NTRK2: variants seen among roughly 807,000 people sequenced by gnomAD.
NTRK2 encodes the protein BDNF/NT-3 growth factors receptor.
Under a neutral mutation model 94.5 loss-of-function variants are expected in NTRK2, and 13 were observed. The ratio of observed to expected loss-of-function variants is 0.14; its 90% CI spans 0.09 to 0.22. NTRK2 has a LOEUF of 0.22. NTRK2 is among the 10% of genes least tolerant of loss of function. The probability of loss-of-function intolerance (pLI) is 1.00; values close to 1 mark genes in which losing one functional copy is unlikely to be tolerated. For missense variants in NTRK2, 639 were observed against 1,071.2 expected, an observed-to-expected ratio of 0.60 and a Z score of 5.63; for synonymous variants, 372 against 407.4, an observed-to-expected ratio of 0.91 and a Z score of 1.05.
chr9:84,877,256 T>C (rs200115485), intron 14 of NTRK2: 181 of 1,065,830 alleles, frequency 1.7e-4, no homozygotes, highest in Non-Finnish European at 2.0e-4. Flanking sequence ...CCTCTTTAGT[T>C]CTCTTTGAGG....
chr9:84,736,473 C>T (rs552939763), intron 9 of NTRK2, among the ~76,000 whole-genome samples: 11 of 152,220 alleles, frequency 7.2e-5, no homozygotes, highest in African/African-American at 2.6e-4. Context: ...GTCTAAAGAA[C>T]GAGGGGAGAG....
chr9:84,857,548 A>G (rs1383170802), intron 12 of NTRK2, among the ~76,000 whole-genome samples: 1 of 152,186 alleles, frequency 6.6e-6, no homozygotes, highest in Non-Finnish European at 1.5e-5. Context: ...TGAATGAATA[A>G]CAGCTTCTAG....
intron 12 of NTRK2, among the ~76,000 whole-genome samples, chr9:84,839,229 A>G (rs1337263503): frequency 6.6e-6 from 1 of 152,198 alleles, no homozygotes; most frequent in African/African-American, 2.4e-5. Flanking sequence ...AGAAGAGTCA[A>G]ATACACTTTA....
rs562875058 is a variant in NTRK2 at position 84,925,201 on chromosome 9, C to CTTT, written c.1634-8949_1634-8947dup. On this transcript the variant is annotated intron_variant, in intron 14 of 18. Coordinates refer to ENST00000277120, the MANE Select transcript of NTRK2 (RefSeq NM_006180.6). ...CTCTGCCTTCTTCTCTTCTCTTCTT[C>CTTT]TTTTTTTTTTTTTTGGAGCTATTTT... Among the ~76,000 whole-genome samples the CTTT allele has an allele frequency of 4.7e-3, 657 of 141,276 alleles. 10 individuals are homozygous for CTTT. Among genetic ancestry groups the CTTT allele is most frequent in the East Asian group, 0.019 (93 of 4,784 alleles). 92.7% of individuals were successfully genotyped at this position (141,276 alleles called of 152,430 possible).
intron 14 of NTRK2, among the ~76,000 whole-genome samples, chr9:84,870,433 C>T (rs7853018): frequency 6.8e-6 from 1 of 146,682 alleles, no homozygotes; most frequent in Non-Finnish European, 1.5e-5. Context: ...ACCTCCTGGG[C>T]TCAAGTAATC....
intron 9 of NTRK2, among the ~76,000 whole-genome samples, chr9:84,740,795 G>A (rs1261811934): frequency 6.6e-6 from 1 of 152,118 alleles, no homozygotes; most frequent in Non-Finnish European, 1.5e-5. Context: ...TTGAACACTG[G>A]GGCCACTTTT....
chr9:84,773,295 G>A (rs1475491248), intron 12 of NTRK2, among the ~76,000 whole-genome samples: 1 of 152,184 alleles, frequency 6.6e-6, no homozygotes, highest in African/African-American at 2.4e-5. Context: ...AGACCCTGAG[G>A]ATGGTTAGAG....
intron 7 of NTRK2, 99 bp downstream of exon 7, chr9:84,723,808 G>A: frequency 6.7e-7 from 1 of 1,497,458 alleles, no homozygotes; most frequent in Non-Finnish European, 9.3e-7. Flanking sequence ...TATTTTATAA[G>A]GCTACATATA....
intron 2 of NTRK2, among the ~76,000 whole-genome samples, chr9:84,674,581 G>C (rs555945090): frequency 6.6e-6 from 1 of 152,290 alleles, no homozygotes; most frequent in East Asian, 1.9e-4. Flanking sequence ...ACTTTGGACT[G>C]TGTCTTATAT....
At chr9:84,830,034 T>C (rs1222521089) in intron 12 of NTRK2, among the ~76,000 whole-genome samples, 1 of 152,182 alleles carries the variant, frequency 6.6e-6, no homozygotes, top group Non-Finnish European at 1.5e-5. Context: ...GAACACCCCC[T>C]TCTCTCCAAA....
chr9:84,749,095 G>T (rs1464743790), intron 11 of NTRK2, among the ~76,000 whole-genome samples: 1 of 152,154 alleles, frequency 6.6e-6, no homozygotes, highest in Non-Finnish European at 1.5e-5. Context: ...AGGTGTGGTG[G>T]CACATGCCTA....
chr9:84,890,278 A>T (rs538144833), intron 14 of NTRK2, among the ~76,000 whole-genome samples: 55 of 152,348 alleles, frequency 3.6e-4, no homozygotes, highest in Non-Finnish European at 5.4e-4. Flanking sequence ...GGGTGACAGC[A>T]GGTCCATGGG....
intron 14 of NTRK2, among the ~76,000 whole-genome samples, chr9:84,926,165 C>CTTTCTTT (rs2077786173): frequency 3.7e-3 from 178 of 48,254 alleles, no homozygotes; most frequent in South Asian, 5.4e-3. Flanking sequence ...TTCCTTCCTT[C>CTTTCTTT]CTTCCTTTCT....
chr9:84,690,891 C>T (rs1381632204), intron 2 of NTRK2, among the ~76,000 whole-genome samples: 1 of 152,010 alleles, frequency 6.6e-6, no homozygotes, highest in Non-Finnish European at 1.5e-5. Context: ...GCATATTGTA[C>T]ATAAAGACCA....
chr9:84,872,445 A>G, intron 14 of NTRK2: 2 of 1,075,192 alleles, frequency 1.9e-6, no homozygotes, highest in South Asian at 4.3e-5. Flanking sequence ...TCCCTAGAGC[A>G]GCCTTGTAAA....
intron 17 of NTRK2, among the ~76,000 whole-genome samples, chr9:84,972,610 G>A (rs113913019): frequency 1.2e-4 from 19 of 152,320 alleles, no homozygotes; most frequent in African/African-American, 4.3e-4. Flanking sequence ...ACATTAGACA[G>A]TGGAAAAACT....
chr9:84,677,728 A>G (rs1256723129), intron 2 of NTRK2, among the ~76,000 whole-genome samples: 1 of 152,136 alleles, frequency 6.6e-6, no homozygotes, highest in African/African-American at 2.4e-5. Flanking sequence ...CAATTCTAGG[A>G]GAGGTCTAGA....
intron 12 of NTRK2, among the ~76,000 whole-genome samples, chr9:84,854,065 C>G (rs2074929033): frequency 7.1e-6 from 1 of 141,052 alleles, no homozygotes; most frequent in African/African-American, 2.7e-5. Context: ...GAGTGAGACT[C>G]TGTCTCAAAA....
At chr9:84,872,674 A>G (rs1053738658) in intron 14 of NTRK2, 5 of 1,064,424 alleles carry the variant, frequency 4.7e-6, no homozygotes, top group Non-Finnish European at 5.7e-6. Flanking sequence ...AGTGTGCCAT[A>G]CTTCTCCAGC....
Sources: gnomAD v4.1 joint callset for allele counts (sites outside exome capture counted in the v4.1 genomes callset) on GRCh38, gnomAD v4.1.1 for gene constraint, MANE v1.5 for transcripts, NCBI Gene and HGNC (gene_info 2026-07-23, HGNC 2026-07-21) for gene names.